NOX4: variants seen among roughly 807,000 people sequenced by gnomAD.
The protein encoded by NOX4 is NADPH oxidase 4, also known as kidney oxidase-1.
In NOX4, 69 loss-of-function variants were observed where a neutral mutation model predicts 87.6. The ratio of observed to expected loss-of-function variants is 0.79; its 90% CI spans 0.65 to 0.96. NOX4 has a LOEUF of 0.96. Among genes scored for constraint, NOX4 ranks in the 40% least tolerant of loss-of-function variants. The probability of loss-of-function intolerance (pLI) is 0.00; values close to 1 mark genes in which losing one functional copy is unlikely to be tolerated. For synonymous variants in NOX4, 275 were observed against 238.2 expected (o/e 1.15, Z -1.42); for missense variants, 680 against 681.5 (o/e 1.00, Z 0.02).
chr11:89,451,654 T>A (rs538702643), intron 3 of NOX4, 131 bp downstream of exon 3: 7 of 631,532 alleles, frequency 1.1e-5, no homozygotes, highest in African/African-American at 7.3e-5. Flanking sequence ...GCAGGTGACA[T>A]GTCTTTTACC....
intron 7 of NOX4, among the ~76,000 whole-genome samples, chr11:89,432,059 G>T (rs955882092): frequency 1.3e-5 from 2 of 152,090 alleles, no homozygotes; most frequent in Admixed American, 6.6e-5. Context: ...TAGGGACATG[G>T]ATGAAGCTGG....
chr11:89,366,896 A>G (rs901971790), intron 12 of NOX4, among the ~76,000 whole-genome samples: 4 of 152,086 alleles, frequency 2.6e-5, no homozygotes, highest in African/African-American at 7.2e-5. Flanking sequence ...ATGACAGCAT[A>G]TATTTAACGT....
At chr11:89,362,036 A>C (rs1193192682) in intron 12 of NOX4, among the ~76,000 whole-genome samples, 1 of 152,108 alleles carries the variant, frequency 6.6e-6, no homozygotes, top group African/African-American at 2.4e-5. Context: ...TATTTGCTCT[A>C]GTTCTTCCCA....
chr11:89,456,896 G>A (rs955924434), intron 2 of NOX4, among the ~76,000 whole-genome samples: 1 of 152,186 alleles, frequency 6.6e-6, no homozygotes. Flanking sequence ...GACCTGGACA[G>A]AACATGGTGG....
chr11:89,501,515 C>T (rs1947019862), upstream of NOX4, among the ~76,000 whole-genome samples: 1 of 152,030 alleles, frequency 6.6e-6, no homozygotes, highest in Non-Finnish European at 1.5e-5. Context: ...GCTGTGGTTA[C>T]TCCACATGGA....
chr11:89,472,142 A>T (rs947392280), intron 2 of NOX4, among the ~76,000 whole-genome samples: 1 of 152,220 alleles, frequency 6.6e-6, no homozygotes, highest in African/African-American at 2.4e-5. Flanking sequence ...ATGAACAATA[A>T]TTGAAGCAAT....
chr11:89,356,477 C>A (rs1213340927), intron 12 of NOX4, among the ~76,000 whole-genome samples: 4 of 151,366 alleles, frequency 2.6e-5, no homozygotes, highest in Non-Finnish European at 5.9e-5. Context: ...CTTGGAAATA[C>A]TTACGTTGCA....
At chr11:89,361,655 T>G (rs1177898028) in intron 12 of NOX4, among the ~76,000 whole-genome samples, 1 of 152,102 alleles carries the variant, frequency 6.6e-6, no homozygotes, top group Non-Finnish European at 1.5e-5. Flanking sequence ...AAAAGAAATC[T>G]TAATTAAAGT....
intron 11 of NOX4, among the ~76,000 whole-genome samples, chr11:89,384,674 T>G (rs911055126): frequency 2.1e-4 from 32 of 152,236 alleles, no homozygotes; most frequent in South Asian, 1.7e-3. Flanking sequence ...AAAACATCCC[T>G]AAAGCTGCTC....
At chr11:89,532,958 T>C in the NOX4 span, among the ~76,000 whole-genome samples, 2 of 152,172 alleles carry the variant, frequency 1.3e-5, no homozygotes, top group Non-Finnish European at 2.9e-5. Flanking sequence ...TGATTTCAAG[T>C]TTCCTGAGGC....
chr11:89,396,187 T>C (rs1941470493), intron 11 of NOX4, among the ~76,000 whole-genome samples: 1 of 152,102 alleles, frequency 6.6e-6, no homozygotes, highest in African/African-American at 2.4e-5. Context: ...TGTTGAGCAG[T>C]GGTTTGTAGT....
At chr11:89,502,474 T>C (rs777997699), upstream of NOX4, among the ~76,000 whole-genome samples, 3 of 152,050 alleles carry the variant, frequency 2.0e-5, no homozygotes, top group Non-Finnish European at 1.5e-5. Context: ...CAAATAAGAC[T>C]ATGCTCTAGG....
At chr11:89,480,266 G>A (rs929939538) in intron 2 of NOX4, among the ~76,000 whole-genome samples, 6 of 152,062 alleles carry the variant, frequency 3.9e-5, no homozygotes, top group Non-Finnish European at 7.4e-5. Context: ...GAAGACAAAC[G>A]TCTCATTCCT....
At chr11:89,496,641 T>G (rs1205858795), upstream of NOX4, among the ~76,000 whole-genome samples, 6 of 151,112 alleles carry the variant, frequency 4.0e-5, no homozygotes, top group Non-Finnish European at 7.4e-5. Context: ...TTTGCTGCAA[T>G]TAGGGCAATT....
the NOX4 span, among the ~76,000 whole-genome samples, chr11:89,505,990 G>A: frequency 6.6e-6 from 1 of 151,864 alleles, no homozygotes; most frequent in East Asian, 1.9e-4. Context: ...ACTGTCTTGA[G>A]AGAGTTTCTA....
At chr11:89,398,349 C>A (rs997597027) in intron 11 of NOX4, among the ~76,000 whole-genome samples, 2 of 152,100 alleles carry the variant, frequency 1.3e-5, no homozygotes, top group African/African-American at 4.8e-5. Context: ...AACAAACCCA[C>A]AGCCAATATC....
At chr11:89,509,233 A>G in the NOX4 span, among the ~76,000 whole-genome samples, 16 of 99,430 alleles carry the variant, frequency 1.6e-4, no homozygotes, top group East Asian at 2.9e-4. Flanking sequence ...GAAACAATAT[A>G]TCTTGATTAC....
At chr11:89,506,207 T>TAGAAAGAAAGAAAGAG in the NOX4 span, among the ~76,000 whole-genome samples, 1 of 94,614 alleles carries the variant, frequency 1.1e-5, no homozygotes, top group African/African-American at 4.3e-5. Context: ...TGTCCATTTG[T>TAGAAAGAAAGAAAGAG]AGAAAGAAAG....
At chr11:89,533,845 C>T in the NOX4 span, 1 of 152,202 alleles carries the variant, frequency 6.6e-6, no homozygotes, top group Non-Finnish European at 1.5e-5. Context: ...GCATCTATCC[C>T]AGGTTGTCTC....
Sources: gnomAD v4.1 joint callset for allele counts (sites outside exome capture counted in the v4.1 genomes callset) on GRCh38, gnomAD v4.1.1 for gene constraint, MANE v1.5 for transcripts, NCBI Gene and HGNC (gene_info 2026-07-23, HGNC 2026-07-21) for gene names.